Variants in ARNT2 observed in about 807,000 individuals in gnomAD.
The protein encoded by ARNT2 is aryl hydrocarbon receptor nuclear translocator 2.
In ARNT2, 36 loss-of-function variants were observed where a neutral mutation model predicts 91.7. The observed-to-expected ratio is 0.39, with a 90% CI of 0.30 to 0.52. The LOEUF (loss-of-function observed/expected upper bound fraction) is 0.52. Ranked by LOEUF, ARNT2 falls within the 20% of genes least tolerant of loss-of-function variation. The probability of loss-of-function intolerance (pLI) is 0.72; values close to 1 mark genes in which losing one functional copy is unlikely to be tolerated. For synonymous variants in ARNT2, 365 were observed against 347.1 expected (o/e 1.05, Z -0.57); for missense variants, 775 against 939.3 (o/e 0.83, Z 2.29).
chr15:80,518,012 G>T (rs1244491565), intron 8 of ARNT2, among the ~76,000 whole-genome samples: 1 of 151,966 alleles, frequency 6.6e-6, no homozygotes, highest in Non-Finnish European at 1.5e-5. Context: ...TGCTCACTTT[G>T]TCTCTTCAAA....
chr15:80,567,737 C>T (rs150392756), intron 12 of ARNT2, among the ~76,000 whole-genome samples: 1,959 of 152,314 alleles, frequency 0.013, 23 homozygotes, highest in Non-Finnish European at 0.02. Flanking sequence ...TGAGGTTACA[C>T]GGATCAGGAT....
chr15:80,537,341 G>T (rs555972121), intron 8 of ARNT2, among the ~76,000 whole-genome samples: 1 of 152,106 alleles, frequency 6.6e-6, no homozygotes, highest in African/African-American at 2.4e-5. Flanking sequence ...GGTGAATGGC[G>T]ACTAAATTCC....
intron 5 of ARNT2, among the ~76,000 whole-genome samples, chr15:80,492,424 G>A (rs912636699): frequency 6.6e-6 from 1 of 152,086 alleles, no homozygotes; most frequent in African/African-American, 2.4e-5. Flanking sequence ...GTCTCTCGGG[G>A]TCCTTCACTA....
intron 8 of ARNT2, among the ~76,000 whole-genome samples, chr15:80,539,014 AT>A (rs986639611): frequency 1.3e-5 from 2 of 152,004 alleles, no homozygotes; most frequent in Non-Finnish European, 2.9e-5. Context: ...ATCAAAAAAA[AT>A]TTTTTTTCTT....
intron 8 of ARNT2, 105 bp downstream of exon 8, chr15:80,514,510 T>C (rs1276009757): frequency 1.1e-6 from 1 of 952,250 alleles, no homozygotes; most frequent in African/African-American, 1.6e-5. Flanking sequence ...AGGAAAATAT[T>C]CTTATTTTTC....
At chr15:80,493,198 A>G (rs1314382897) in intron 5 of ARNT2, among the ~76,000 whole-genome samples, 6 of 152,200 alleles carry the variant, frequency 3.9e-5, no homozygotes, top group Admixed American at 3.3e-4. Context: ...CATCCCTACA[A>G]TCATGACATT....
At chr15:80,476,022 G>C (rs1383558980) in intron 5 of ARNT2, among the ~76,000 whole-genome samples, 1 of 152,184 alleles carries the variant, frequency 6.6e-6, no homozygotes, top group African/African-American at 2.4e-5. Context: ...TCAATAATTT[G>C]TCAGATAAAA....
intron 17 of ARNT2, 113 bp downstream of exon 17, chr15:80,581,517 G>A: frequency 2.8e-6 from 4 of 1,416,370 alleles, no homozygotes; most frequent in Non-Finnish European, 3.9e-6. Flanking sequence ...ACAAGGTCTG[G>A]AGGTTTCCAA....
chr15:80,482,773 A>T (rs939246850), intron 5 of ARNT2, among the ~76,000 whole-genome samples: 1 of 152,204 alleles, frequency 6.6e-6, no homozygotes, highest in African/African-American at 2.4e-5. Flanking sequence ...ATGCATGAGC[A>T]TCACTTGTGA....
intron 5 of ARNT2, among the ~76,000 whole-genome samples, chr15:80,507,562 T>C (rs968328989): frequency 3.4e-4 from 51 of 152,108 alleles, no homozygotes; most frequent in African/African-American, 6.0e-4. Flanking sequence ...GAGGTGTAGA[T>C]ATAGTACGGT....
chr15:80,576,394 A>G (rs1454271755), intron 14 of ARNT2, among the ~76,000 whole-genome samples: 3 of 151,986 alleles, frequency 2.0e-5, no homozygotes, highest in Admixed American at 6.6e-5. Context: ...CTCCTGCCTC[A>G]GCCTCCCGAG....
intron 8 of ARNT2, among the ~76,000 whole-genome samples, chr15:80,550,368 C>G (rs1470990120): frequency 2.0e-5 from 3 of 152,048 alleles, no homozygotes. Context: ...ACTTGTGTGA[C>G]TCTATCACTG....
chr15:80,445,312 G>T (rs1159818140), intron 1 of ARNT2, among the ~76,000 whole-genome samples: 1 of 148,004 alleles, frequency 6.8e-6, no homozygotes, highest in Non-Finnish European at 1.5e-5. Flanking sequence ...GTCGAGAGTG[G>T]TGTGGGGGTG....
At chr15:80,547,343 T>C (rs536666490) in intron 8 of ARNT2, among the ~76,000 whole-genome samples, 107 of 152,258 alleles carry the variant, frequency 7.0e-4, no homozygotes, top group Middle Eastern at 6.8e-3. Context: ...TAAAAAATAA[T>C]TTAAAAATGT....
intron 1 of ARNT2, among the ~76,000 whole-genome samples, chr15:80,422,933 T>C (rs1895879992): frequency 6.6e-6 from 1 of 152,204 alleles, no homozygotes; most frequent in African/African-American, 2.4e-5. Flanking sequence ...TTAGCCTTTT[T>C]GGTCTTGTAA....
At chr15:80,575,157 T>A in intron 14 of ARNT2, 47 bp downstream of exon 14, 1 of 1,602,552 alleles carries the variant, frequency 6.2e-7, no homozygotes. Context: ...GGGTTTACAG[T>A]TGCTTTCAGG....
At chr15:80,542,178 T>G (rs1453715250) in intron 8 of ARNT2, among the ~76,000 whole-genome samples, 2 of 152,202 alleles carry the variant, frequency 1.3e-5, no homozygotes, top group Non-Finnish European at 2.9e-5. Context: ...AACTAAACAT[T>G]TTTTGCCCAT....
rs1303758968 is a variant in ARNT2 at position 80,404,919 on chromosome 15, C to G, written c.31+373C>G. 6.6e-6 allele frequency among the ~76,000 whole-genome samples: 1 copy of G among 152,208 alleles called. No individual in the cohort carries two copies. Among genetic ancestry groups the G allele is most frequent in the Admixed American group, 6.5e-5 (1 of 15,290 alleles). ...GGCTTTTGTGGCATCACGGCGTCAG[C>G]CAGTCCTGGCTGGTGGAGGGCTCCG... On this transcript the variant is annotated intron_variant, in intron 1 of 18. Coordinates refer to ENST00000303329, the MANE Select transcript of ARNT2 (RefSeq NM_014862.4). This position sits in a 1 kb window ranked among gnomAD's most constrained non-coding sequence, Gnocchi z 5.5.
intron 5 of ARNT2, among the ~76,000 whole-genome samples, chr15:80,500,663 T>C (rs777079939): frequency 6.6e-6 from 1 of 152,218 alleles, no homozygotes; most frequent in Non-Finnish European, 1.5e-5. Flanking sequence ...TCAAAAAAGA[T>C]GCTCTTTTCT....
Sources: gnomAD v4.1 joint callset for allele counts (sites outside exome capture counted in the v4.1 genomes callset) on GRCh38, gnomAD v4.1.1 for gene constraint, Gnocchi (gnomAD v3.1) non-coding constraint, MANE v1.5 for transcripts, NCBI Gene and HGNC (gene_info 2026-07-23, HGNC 2026-07-21) for gene names.